The following TTC39B variants were observed in gnomAD, a reference collection of about 807,000 sequenced individuals.
The protein encoded by TTC39B is tetratricopeptide repeat protein 39B.
Under a neutral mutation model 96.6 loss-of-function variants are expected in TTC39B, and 92 were observed. The observed-to-expected ratio is 0.95, with a 90% CI of 0.80 to 1.13. TTC39B has a LOEUF of 1.13. TTC39B is among the 50% of genes most tolerant of loss of function. TTC39B has a pLI of 0.00. For synonymous variants in TTC39B, 367 were observed against 299.4 expected (o/e 1.23, Z -2.33); for missense variants, 955 against 809.3 (o/e 1.18, Z -2.18).
At chr9:15,232,788 C>T (rs554467735) in intron 2 of TTC39B, among the ~76,000 whole-genome samples, 40 of 152,296 alleles carry the variant, frequency 2.6e-4, no homozygotes, top group African/African-American at 9.1e-4. Context: ...GGAGAAGACC[C>T]TCAAACCTTG....
intron 3 of TTC39B, among the ~76,000 whole-genome samples, chr9:15,216,191 G>A (rs1820507709): frequency 6.6e-6 from 1 of 152,294 alleles, no homozygotes; most frequent in South Asian, 2.1e-4. Flanking sequence ...TGTAGCATTT[G>A]TAGACATGCT....
rs139090794 is a variant in TTC39B, at chr9:15,226,737, T to A, written c.276-725A>T. 6.1e-4 allele frequency among the ~76,000 whole-genome samples: 93 copies of A among 152,312 alleles called. 1 individual carries two copies. The East Asian group carries it at 0.016, about 27-fold the overall frequency. ...GTAAGGACCAATTTGCCTTGCAGAA[T>A]CTTCGGCCAGTTTGTTGACCCACAG... On this transcript the variant is annotated intron_variant, in intron 2 of 19. Coordinates refer to ENST00000512701, the Ensembl canonical transcript of TTC39B.
At chr9:15,233,503 A>G (rs552667) in intron 2 of TTC39B, among the ~76,000 whole-genome samples, 13,446 of 131,716 alleles carry the variant, frequency 0.1, 965 homozygotes, top group Non-Finnish European at 0.13. Context: ...TTGCAGGCGC[A>G]CGCCGCCACG....
At chr9:15,232,855 T>C (rs1220852011) in intron 2 of TTC39B, among the ~76,000 whole-genome samples, 2 of 152,176 alleles carry the variant, frequency 1.3e-5, no homozygotes, top group Non-Finnish European at 2.9e-5. Context: ...TGCCACTTCA[T>C]TGGAATCAGC....
At chr9:15,254,000 C>G (rs1231790238) in intron 2 of TTC39B, among the ~76,000 whole-genome samples, 1 of 152,044 alleles carries the variant, frequency 6.6e-6, no homozygotes, top group Admixed American at 6.6e-5. Flanking sequence ...TGAGACTTGA[C>G]TGGAGAAAAA....
intron 4 of TTC39B, 112 bp downstream of exon 4, chr9:15,214,027 T>C: frequency 2.7e-6 from 2 of 747,156 alleles, no homozygotes; most frequent in Non-Finnish European, 4.3e-6. Flanking sequence ...TGAACTAAAT[T>C]AGCTTATCAA....
intron 1 of TTC39B, among the ~76,000 whole-genome samples, chr9:15,278,031 G>A (rs573615678): frequency 6.6e-6 from 1 of 152,146 alleles, no homozygotes. Flanking sequence ...GTATAGCATT[G>A]CTTTAGTTTC....
exon 16 of TTC39B, chr9:15,185,326 T>G (rs746515954): frequency 6.2e-7 from 1 of 1,613,390 alleles, no homozygotes; most frequent in Non-Finnish European, 8.5e-7. Flanking sequence ...GGAGGCGGAG[T>G]AACGCCGAGC....
Position 15,265,110 on chromosome 9 carries a change from C to A in TTC39B, c.275+2804G>T, listed in dbSNP as rs144816460. Reference sequence around the variant, plus strand: ...GAATAGTGGGCTAGCAATTTTAGGGCTGGTGTGAGATAGGAATCTAAATTA... The same window carrying A: ...GAATAGTGGGCTAGCAATTTTAGGGATGGTGTGAGATAGGAATCTAAATTA... On this transcript the variant is annotated intron_variant, in intron 2 of 19. Coordinates refer to ENST00000512701, the Ensembl canonical transcript of TTC39B. Among the ~76,000 whole-genome samples the A allele has an allele frequency of 5.4e-3, 819 of 152,234 alleles. 5 individuals carry two copies. The highest frequency in any genetic ancestry group is 0.019 in the African/African-American group (780 of 41,526).
At chr9:15,206,379 C>G (rs913723958) in intron 6 of TTC39B, among the ~76,000 whole-genome samples, 5 of 152,206 alleles carry the variant, frequency 3.3e-5, no homozygotes, top group Non-Finnish European at 7.3e-5. Flanking sequence ...AAATCACACA[C>G]TAAAGCTACA....
intron 13 of TTC39B, among the ~76,000 whole-genome samples, chr9:15,188,389 C>A (rs770401913): frequency 1.1e-4 from 16 of 152,088 alleles, no homozygotes; most frequent in Non-Finnish European, 2.1e-4. Flanking sequence ...ATATCAAATG[C>A]AGAAATCATT....
intron 1 of TTC39B, among the ~76,000 whole-genome samples, chr9:15,269,618 C>G (rs1318182706): frequency 1.3e-5 from 2 of 152,158 alleles, no homozygotes. Flanking sequence ...CTTTGGGAGG[C>G]CGAGGCGGGT....
chr9:15,175,594 A>T (rs1354144346), intron 18 of TTC39B, among the ~76,000 whole-genome samples: 7 of 152,198 alleles, frequency 4.6e-5, no homozygotes, highest in African/African-American at 1.4e-4. Flanking sequence ...CACTATTAGG[A>T]GAACTCTCTG....
intron 6 of TTC39B, among the ~76,000 whole-genome samples, chr9:15,205,185 A>G (rs1252573005): frequency 6.6e-6 from 1 of 152,222 alleles, no homozygotes; most frequent in Non-Finnish European, 1.5e-5. Flanking sequence ...CTCATGATAC[A>G]GAGTAAGCAC....
intron 3 of TTC39B, among the ~76,000 whole-genome samples, chr9:15,222,161 T>A (rs1486244910): frequency 7.2e-5 from 11 of 152,220 alleles, no homozygotes; most frequent in Admixed American, 7.2e-4. Context: ...CAAGAGGGAA[T>A]GGTACAGATG....
At chr9:15,171,655 T>G (rs1188891191) in exon 20 of TTC39B, 1 of 153,324 alleles carries the variant, frequency 6.5e-6, no homozygotes, top group Admixed American at 6.5e-5. Context: ...AATCCAAAAT[T>G]GGCTCAACTT....
At chr9:15,164,906 T>C (rs1817489982) in exon 20 of TTC39B, 1 of 152,258 alleles carries the variant, frequency 6.6e-6, no homozygotes, top group Admixed American at 6.5e-5. Flanking sequence ...GCTTAAACCA[T>C]TAAATTTAAC....
At chr9:15,257,524 A>C (rs1822794585) in intron 2 of TTC39B, among the ~76,000 whole-genome samples, 1 of 152,036 alleles carries the variant, frequency 6.6e-6, no homozygotes, top group African/African-American at 2.4e-5. Flanking sequence ...TCACAGCTCA[A>C]CACAGCCTCG....
At chr9:15,267,500 G>T (rs77213242) in intron 2 of TTC39B, among the ~76,000 whole-genome samples, 2 of 152,136 alleles carry the variant, frequency 1.3e-5, no homozygotes, top group African/African-American at 2.4e-5. Context: ...TAAGTAAATT[G>T]TAATATTCCA....
Sources: gnomAD v4.1 joint callset for allele counts (sites outside exome capture counted in the v4.1 genomes callset) on GRCh38, gnomAD v4.1.1 for gene constraint, MANE v1.5 for transcripts, NCBI Gene and HGNC (gene_info 2026-07-23, HGNC 2026-07-21) for gene names.